Variants in DPP6 observed in about 807,000 individuals in gnomAD.
DPP6 encodes A-type potassium channel modulatory protein DPP6.
In DPP6, 69 loss-of-function variants were observed where a neutral mutation model predicts 122.6. That is an observed-to-expected ratio of 0.56 (90% confidence interval 0.46 to 0.69). The LOEUF (loss-of-function observed/expected upper bound fraction) is 0.69. Ranked by LOEUF, DPP6 falls within the 30% of genes least tolerant of loss-of-function variation. The probability of loss-of-function intolerance (pLI) is 0.00; values close to 1 mark genes in which losing one functional copy is unlikely to be tolerated. For synonymous variants in DPP6, 418 were observed against 433.1 expected (o/e 0.97, Z 0.43); for missense variants, 928 against 1,116.9 (o/e 0.83, Z 2.41).
At chr7:154,107,411 AG>A (rs1427742796) in intron 1 of DPP6, among the ~76,000 whole-genome samples, 1 of 152,154 alleles carries the variant, frequency 6.6e-6, no homozygotes, top group East Asian at 1.9e-4. Context: ...AGACTAGCTC[AG>A]GGATGGTTGG....
intron 9 of DPP6, among the ~76,000 whole-genome samples, chr7:154,770,085 A>G (rs559438941): frequency 4.8e-4 from 73 of 152,300 alleles, no homozygotes; most frequent in African/African-American, 1.7e-3. Context: ...GTGACAAGAC[A>G]TGGAGGGCAG....
intron 1 of DPP6, among the ~76,000 whole-genome samples, chr7:154,097,484 T>G (rs1246413723): frequency 2.0e-5 from 3 of 152,242 alleles, no homozygotes; most frequent in Non-Finnish European, 4.4e-5. Context: ...TCAGTAAACT[T>G]GAGAACGTAA....
At chr7:154,470,672 A>G (rs1357447277) in intron 2 of DPP6, among the ~76,000 whole-genome samples, 1 of 152,230 alleles carries the variant, frequency 6.6e-6, no homozygotes, top group Non-Finnish European at 1.5e-5. Flanking sequence ...ACATCACTGC[A>G]GATTTCAGCA....
At chr7:154,271,024 CA>C (rs1803752797) in intron 1 of DPP6, among the ~76,000 whole-genome samples, 1 of 152,166 alleles carries the variant, frequency 6.6e-6, no homozygotes, top group African/African-American at 2.4e-5. Flanking sequence ...AAGCTGTGAT[CA>C]AAGACTGGGT....
chr7:153,920,560 TC>T (rs1416048317), intron 1 of DPP6, among the ~76,000 whole-genome samples: 1 of 75,186 alleles, frequency 1.3e-5, no homozygotes, highest in Non-Finnish European at 2.5e-5. Flanking sequence ...CTTTTATCTC[TC>T]TCTTTTTTTT....
intron 4 of DPP6, among the ~76,000 whole-genome samples, chr7:154,552,452 G>A (rs1176587641): frequency 6.6e-6 from 1 of 152,178 alleles, no homozygotes; most frequent in East Asian, 1.9e-4. Flanking sequence ...CTTTGACCAA[G>A]ACGGGAAGTT....
chr7:154,285,252 A>T (rs969465763), intron 1 of DPP6, among the ~76,000 whole-genome samples: 1 of 152,136 alleles, frequency 6.6e-6, no homozygotes, highest in Admixed American at 6.6e-5. Flanking sequence ...ATCATATATC[A>T]TACTAGTTTG....
chr7:153,936,827 G>A (rs1955333803), intron 1 of DPP6, among the ~76,000 whole-genome samples: 2 of 151,570 alleles, frequency 1.3e-5, no homozygotes, highest in Non-Finnish European at 1.5e-5. Flanking sequence ...AAAAAGAAAT[G>A]TGAGAGGAAG....
intron 1 of DPP6, among the ~76,000 whole-genome samples, chr7:154,329,936 C>A (rs1808770233): frequency 6.6e-6 from 1 of 152,122 alleles, no homozygotes; most frequent in South Asian, 2.1e-4. Context: ...GAACAGAAAA[C>A]CAAACACTGC....
intron 1 of DPP6, among the ~76,000 whole-genome samples, chr7:154,219,912 G>A (rs1800207941): frequency 6.6e-6 from 1 of 152,192 alleles, no homozygotes; most frequent in Non-Finnish European, 1.5e-5. Context: ...TTAAGCAAAG[G>A]CTGCCAAACC....
chr7:153,948,703 G>C (rs989188552), intron 1 of DPP6, among the ~76,000 whole-genome samples: 1 of 147,176 alleles, frequency 6.8e-6, no homozygotes, highest in Non-Finnish European at 1.5e-5. Context: ...TTAAACAAAG[G>C]TCCCACTTAC....
At chr7:154,067,491 G>A (rs112209138) in intron 1 of DPP6, among the ~76,000 whole-genome samples, 10,063 of 152,124 alleles carry the variant, frequency 0.066, 1,075 homozygotes, top group African/African-American at 0.23. Flanking sequence ...AGAGGTCAGA[G>A]TATTCAGGGA....
chr7:154,053,303 G>T (rs1446651201), intron 1 of DPP6, among the ~76,000 whole-genome samples: 2 of 152,044 alleles, frequency 1.3e-5, no homozygotes, highest in Non-Finnish European at 2.9e-5. Context: ...AGAGAGCGGG[G>T]TTTGGGTACT....
At chr7:154,271,912 C>A (rs1803818759) in intron 1 of DPP6, among the ~76,000 whole-genome samples, 1 of 152,158 alleles carries the variant, frequency 6.6e-6, no homozygotes, top group Non-Finnish European at 1.5e-5. Flanking sequence ...GAAGATGTTG[C>A]CTTATAGAAA....
At chr7:154,717,108 GGT>G (rs1205839531) in intron 7 of DPP6, among the ~76,000 whole-genome samples, 4 of 151,962 alleles carry the variant, frequency 2.6e-5, no homozygotes. Flanking sequence ...TGGGATTACA[GGT>G]GTGAGCCACC....
intron 5 of DPP6, among the ~76,000 whole-genome samples, chr7:154,614,941 A>C (rs976186232): frequency 1.3e-5 from 2 of 152,242 alleles, no homozygotes; most frequent in African/African-American, 4.8e-5. Context: ...CTGTGAGTTT[A>C]ACTGGGCAAA....
At position 154,121,985 on chromosome 7, in the gene DPP6, A is replaced by G. The variant is rs1807507553; in HGVS notation, c.243+68922A>G. On this transcript the variant is annotated intron_variant, in intron 1 of 25. Coordinates refer to ENST00000377770, the MANE Select transcript of DPP6 (RefSeq NM_130797.4). Reference sequence around the variant, plus strand: ...CAACGGACTGACTACATTTCTCACAATTATAGTAATTACTGAAAATAAACA... The same window carrying G: ...CAACGGACTGACTACATTTCTCACAGTTATAGTAATTACTGAAAATAAACA... Among the ~76,000 whole-genome samples the G allele has an allele frequency of 2.0e-5, 3 of 152,248 alleles. No homozygotes were observed. The South Asian group carries it at 6.2e-4, about 31-fold the overall frequency.
intron 7 of DPP6, among the ~76,000 whole-genome samples, chr7:154,688,554 G>A (rs946804354): frequency 2.0e-5 from 3 of 151,992 alleles, no homozygotes; most frequent in Admixed American, 6.5e-5. Flanking sequence ...TAACTTACAC[G>A]ATCACAAGGT....
intron 7 of DPP6, among the ~76,000 whole-genome samples, chr7:154,698,448 T>C (rs1840339557): frequency 6.6e-6 from 1 of 152,194 alleles, no homozygotes; most frequent in Admixed American, 6.5e-5. Flanking sequence ...GCCTCATCAT[T>C]CATCCTGATT....
Sources: gnomAD v4.1 joint callset for allele counts (sites outside exome capture counted in the v4.1 genomes callset) on GRCh38, gnomAD v4.1.1 for gene constraint, MANE v1.5 for transcripts, NCBI Gene and HGNC (gene_info 2026-07-23, HGNC 2026-07-21) for gene names.